The following TTC16 variants were observed in gnomAD, a reference collection of about 807,000 sequenced individuals.
The protein encoded by TTC16 is tetratricopeptide repeat protein 16.
Under a neutral mutation model 80.4 loss-of-function variants are expected in TTC16, and 66 were observed. That is an observed-to-expected ratio of 0.82 (90% CI 0.67 to 1.01). The LOEUF (loss-of-function observed/expected upper bound fraction) is 1.01, where lower values mean the gene tolerates loss of function less well. Ranked by LOEUF, TTC16 falls within the 50% of genes least tolerant of loss-of-function variation. The pLI is 0.00. For synonymous variants in TTC16, 438 were observed against 451.3 expected, an observed-to-expected ratio of 0.97 and a Z score of 0.37; for missense variants, 1,070 against 1,103.2, an observed-to-expected ratio of 0.97 and a Z score of 0.43.
chr9:127,721,999 T>C (rs982410929), intron 6 of TTC16, among the ~76,000 whole-genome samples: 1 of 152,170 alleles, frequency 6.6e-6, no homozygotes, highest in African/African-American at 2.4e-5. Flanking sequence ...GTGACTGTTG[T>C]GATTTTAGCC....
At position 127,726,444 on chromosome 9, in the gene TTC16, A is replaced by G. The variant is rs756759531; in HGVS notation, c.1425+40A>G. The G allele has an allele frequency of 7.9e-6, 12 of 1,510,708 alleles. No individual in the cohort carries two copies. In the East Asian group the frequency reaches 2.6e-4, roughly 33 times the overall value. 93.6% of individuals were successfully genotyped at this position (1,510,708 alleles called of 1,614,324 possible). Reference sequence around the variant, plus strand: ...CGTCAGGAGTGTAGGCTCCGGAGTCATGCCCGGTGCATAAAGATACTCCTC... The same window carrying G: ...CGTCAGGAGTGTAGGCTCCGGAGTCGTGCCCGGTGCATAAAGATACTCCTC... On this transcript the variant is annotated intron_variant, in intron 10 of 13. Transcript: ENST00000373289.
Position 127,723,968 on chromosome 9 carries a change from C to A in TTC16, c.873-152C>A, listed in dbSNP as rs535882045. The A allele has an allele frequency of 3.3e-4, 377 of 1,147,570 alleles. 1 individual carries two copies. The highest frequency in any genetic ancestry group is 4.4e-4 in the Non-Finnish European group (367 of 840,492). The allele number at this position is 1,147,570 out of a possible 1,614,324, so 71.1% of individuals were successfully genotyped here. On this transcript the variant is annotated intron_variant, in intron 7 of 13. Transcript: ENST00000373289. ...GAGTAGCAGTCCAGAGCTGGCCCCA[C>A]GGGACAAACCTAGCAAATGAGGTGG...
chr9:127,730,614 G>A (rs1465352067), intron 13 of TTC16, 22 bp from the exon 14 acceptor site: 2 of 1,607,158 alleles, frequency 1.2e-6, no homozygotes, highest in Admixed American at 1.7e-5. Flanking sequence ...CCTGATGGGT[G>A]CTTTTGGCAC....
At position 127,717,613 on chromosome 9, in the gene TTC16, G is replaced by A. The variant is rs201582449; in HGVS notation, c.283-16G>A. The A allele has an allele frequency of 1.7e-5, 27 of 1,612,272 alleles. No individual in the cohort carries two copies. In the Admixed American group the frequency reaches 3.2e-4, roughly 19 times the overall value. On this transcript the variant is annotated splice_polypyrimidine_tract_variant and intron_variant, in intron 3 of 13. Transcript: ENST00000373289. ...TGGTGGGGAGGATCTAGCAGCCTGG[G>A]TCCCCTCACCCTCAGGTGGACTTCT...
In TTC16 at chr9:127,729,716, G is replaced by A. The variant is rs776571716; in HGVS notation, c.1852+48G>A. The A allele has an allele frequency of 3.2e-5, 51 of 1,582,046 alleles. No homozygotes were observed. The East Asian group carries it at 6.5e-4, about 20-fold the overall frequency. On this transcript the variant is annotated intron_variant, in intron 13 of 13. Transcript: ENST00000373289. Reference sequence around the variant, plus strand: ...AGGCCTCAGGAAGCTAAGGCAGCAGGGTAGTCAAAGCTCAGGGGTCGAAGA... The same window carrying A: ...AGGCCTCAGGAAGCTAAGGCAGCAGAGTAGTCAAAGCTCAGGGGTCGAAGA...
intron 10 of TTC16, among the ~76,000 whole-genome samples, chr9:127,726,631 T>C (rs1169505679): frequency 2.0e-5 from 3 of 151,376 alleles, no homozygotes; most frequent in Non-Finnish European, 2.9e-5. Context: ...CTACTAAAAA[T>C]ACAAAAAGCA....
Position 127,730,941 on chromosome 9 carries a change from T to G in TTC16, c.2158T>G (p.Ser720Ala). 1 of 1,609,536 alleles carries G rather than the reference T, an allele frequency of 6.2e-7. No homozygotes were observed. The highest frequency in any genetic ancestry group is 2.2e-5 in the East Asian group (1 of 44,734). ...GGCCACCCAAAGCCAGAGGCGGAACTCCAGCAAGACCAGGGCCACCCAGGG... is the reference window on the plus strand; with the variant it reads ...GGCCACCCAAAGCCAGAGGCGGAACGCCAGCAAGACCAGGGCCACCCAGGG... Reference protein sequence around the residue: ...TKATQSQRRNSSKTRATQGQG... With the variant: ...TKATQSQRRNASKTRATQGQG... The change falls in exon 14 of 14, where the codon TCC becomes GCC. Residue 720 changes from serine to alanine, a missense_variant. By Grantham distance (99) the Ser-to-Ala change is moderately conservative. Transcript: ENST00000373289.
chr9:127,719,084 G>A (rs952142750), intron 4 of TTC16, among the ~76,000 whole-genome samples: 4 of 151,682 alleles, frequency 2.6e-5, no homozygotes, highest in African/African-American at 7.3e-5. Flanking sequence ...GGTGGCACGT[G>A]CCTGTAATCC....
chr9:127,719,930 C>G (rs1175753303), intron 4 of TTC16, 148 bp from the exon 5 acceptor site: 1 of 669,588 alleles, frequency 1.5e-6, no homozygotes, highest in African/African-American at 1.8e-5. Flanking sequence ...CTGTCTGTGT[C>G]TCTGCCTCTT....
chr9:127,717,455 G>A (rs752521743), intron 3 of TTC16, 31 bp downstream of exon 3: 5 of 1,599,592 alleles, frequency 3.1e-6, no homozygotes, highest in Non-Finnish European at 4.3e-6. Context: ...GGCACAGGCA[G>A]TTGCTGGAAC....
Position 127,731,277 on chromosome 9 carries a change from G to A in TTC16, c.2494G>A (p.Glu832Lys). ...CCAGGGCCAGAGGTCCAGCAAGGCT[G>A]AGGGTGCCCAGGGCAAGAGCCAGGG... ...QGQGQRSSKA[E>K]GAQGKSQGMS... The change falls in exon 14 of 14, where the codon GAG becomes AAG. Residue 832 changes from glutamate (E) to lysine (K), a missense_variant. Physicochemically the swap from Glu to Lys is moderately conservative, Grantham distance 56 (BLOSUM62 1). Coordinates refer to ENST00000373289, the MANE Select transcript of TTC16 (RefSeq NM_144965.3). The A allele has an allele frequency of 2.5e-6, 4 of 1,613,298 alleles. No individual in the cohort carries two copies. The highest frequency in any genetic ancestry group is 3.4e-6 in the Non-Finnish European group (4 of 1,180,040).
At chr9:127,721,773 G>A (rs1588433441) in intron 6 of TTC16, among the ~76,000 whole-genome samples, 2 of 152,000 alleles carry the variant, frequency 1.3e-5, no homozygotes, top group East Asian at 1.9e-4. Context: ...GCGAGATCTC[G>A]GCTCACCACA....
At chr9:127,721,522 A>G in intron 6 of TTC16, among the ~76,000 whole-genome samples, 1 of 151,548 alleles carries the variant, frequency 6.6e-6, no homozygotes, top group Non-Finnish European at 1.5e-5. Flanking sequence ...GGGCGGGTTC[A>G]CCTCATTCTC....
chr9:127,724,831 ACGAGGG>A lies in TTC16; in HGVS notation c.1196_1201del (p.Glu399_Gly400del). ...CAGGCGCTGGCGCTGAGCCCTCAGG[ACGAGGG>A]CGCCAACACGCGCATGGGCCTGCTG... On this transcript the variant is annotated inframe_deletion, in exon 9 of 14. Coordinates refer to ENST00000373289, the MANE Select transcript of TTC16 (RefSeq NM_144965.3). The A allele has an allele frequency of 6.2e-7, 1 of 1,604,092 alleles. No individual in the cohort carries two copies. The highest frequency in any genetic ancestry group is 8.5e-7 in the Non-Finnish European group (1 of 1,176,268).
intron 7 of TTC16, 68 bp downstream of exon 7, chr9:127,723,401 A>T (rs543848039): frequency 6.7e-7 from 1 of 1,495,736 alleles, no homozygotes; most frequent in South Asian, 1.2e-5. Context: ...GTGTGGTTTA[A>T]GGAGAGTCCC....
intron 13 of TTC16, 40 bp downstream of exon 13, chr9:127,729,708 G>A: frequency 1.9e-6 from 3 of 1,595,628 alleles, no homozygotes; most frequent in Non-Finnish European, 2.6e-6. Flanking sequence ...AGGAAGCTAA[G>A]GCAGCAGGGT....
rs772202208 is a variant in TTC16 at position 127,730,874 on chromosome 9, G to A, written c.2091G>A (p.Lys697=). ...PTQSQRRNSS[K]TKATIHKRNS... is the part of the protein sequence containing the mutation. ...AGAGCCAGAGGCGGAACTCCAGCAA[G>A]ACCAAGGCCACTATACACAAGAGGA... Residue 697 remains lysine, a synonymous_variant, in exon 14 of 14, where the codon AAG becomes AAA. Transcript: ENST00000373289. 1.2e-6 allele frequency: 2 copies of A among 1,613,506 alleles called. No individual in the cohort carries two copies. The highest frequency in any genetic ancestry group is 1.1e-5 in the South Asian group (1 of 91,066).
At chr9:127,720,416 A>AG in intron 6 of TTC16, 21 bp downstream of exon 6, 10 of 805,838 alleles carry the variant, frequency 1.2e-5, no homozygotes, top group Admixed American at 6.3e-5. Flanking sequence ...GAGGGCGGGC[A>AG]GGGGCATGCC....
rs111292713 is a variant in TTC16 at position 127,722,482 on chromosome 9, ACAGT to A, written c.658-633_658-630del. Among the ~76,000 whole-genome samples the A allele has an allele frequency of 2.7e-3, 410 of 152,276 alleles. No homozygotes were observed. Among genetic ancestry groups the A allele is most frequent in the African/African-American group, 6.0e-3 (251 of 41,552 alleles). ...GGAGGGGAGGGAGGACACAACCGTCACAGTCAGGAGGTCACATGCTCCCCGCACC... is the reference window on the plus strand; with the variant it reads ...GGAGGGGAGGGAGGACACAACCGTCACAGGAGGTCACATGCTCCCCGCACC... On this transcript the variant is annotated intron_variant, in intron 6 of 13. Coordinates refer to ENST00000373289, the MANE Select transcript of TTC16 (RefSeq NM_144965.3). The surrounding 1 kb of genome is among the most constrained non-coding windows in gnomAD (Gnocchi z 4.2).
Sources: gnomAD v4.1 joint callset for allele counts (sites outside exome capture counted in the v4.1 genomes callset) on GRCh38, gnomAD v4.1.1 for gene constraint, Gnocchi (gnomAD v3.1) non-coding constraint, MANE v1.5 for transcripts, NCBI Gene and HGNC (gene_info 2026-07-23, HGNC 2026-07-21) for gene names.